Variants in FHOD3 observed in about 807,000 individuals in gnomAD.
FHOD3 encodes FH1/FH2 domain-containing protein 3.
A neutral mutation model predicts 173.0 loss-of-function variants in FHOD3; 90 were observed. That is an observed-to-expected ratio of 0.52 (90% CI 0.44 to 0.62). The LOEUF (loss-of-function observed/expected upper bound fraction) is 0.62. Ranked by LOEUF, FHOD3 falls within the 20% of genes least tolerant of loss-of-function variation. The pLI is 0.00. For missense variants in FHOD3, 1,945 were observed against 2,034.7 expected (o/e 0.96, Z 0.85); for synonymous variants, 828 against 823.0 (o/e 1.01, Z -0.10).
At chr18:36,372,796 AT>A in intron 3 of FHOD3, 52 bp downstream of exon 3, 1 of 1,480,276 alleles carries the variant, frequency 6.8e-7, no homozygotes, top group East Asian at 2.3e-5. Flanking sequence ...GACGCGACTT[AT>A]GGGAATAAAA....
intron 10 of FHOD3, among the ~76,000 whole-genome samples, chr18:36,635,693 C>T (rs1460917342): frequency 6.6e-6 from 1 of 152,194 alleles, no homozygotes; most frequent in Non-Finnish European, 1.5e-5. Context: ...CTGGATGTAT[C>T]TATGGGTCAG....
intron 3 of FHOD3, among the ~76,000 whole-genome samples, chr18:36,425,565 T>C (rs2033988917): frequency 6.6e-6 from 1 of 152,152 alleles, no homozygotes; most frequent in South Asian, 2.1e-4. Flanking sequence ...GTTATGTTCA[T>C]TTAGTAAAGA....
At chr18:36,349,511 A>G (rs1753723167) in intron 1 of FHOD3, among the ~76,000 whole-genome samples, 1 of 152,224 alleles carries the variant, frequency 6.6e-6, no homozygotes, top group Non-Finnish European at 1.5e-5. Flanking sequence ...CCACTTCTAA[A>G]CTATAACCAA....
At chr18:36,438,696 C>T (rs1171780190) in intron 3 of FHOD3, among the ~76,000 whole-genome samples, 1 of 152,216 alleles carries the variant, frequency 6.6e-6, no homozygotes, top group African/African-American at 2.4e-5. Flanking sequence ...TGTCTGCTGC[C>T]CCAGTGCTCT....
intron 9 of FHOD3, among the ~76,000 whole-genome samples, chr18:36,623,078 C>T (rs990888257): frequency 2.6e-5 from 4 of 152,196 alleles, no homozygotes. Flanking sequence ...CTTCAGAAAG[C>T]CCTAACTGCA....
intron 14 of FHOD3, among the ~76,000 whole-genome samples, chr18:36,660,880 C>G (rs977811060): frequency 2.0e-5 from 3 of 152,238 alleles, no homozygotes; most frequent in African/African-American, 4.8e-5. Flanking sequence ...TTCCTTCTTA[C>G]AGTACGCTGT....
chr18:36,635,399 A>G (rs760828805), intron 10 of FHOD3, among the ~76,000 whole-genome samples: 15 of 152,170 alleles, frequency 9.9e-5, no homozygotes, highest in Non-Finnish European at 1.8e-4. Flanking sequence ...ATTAAGTGAA[A>G]ATCAGTGTAG....
chr18:36,406,244 TGCTGCTACAAATACA>T (rs1405875117), intron 3 of FHOD3, among the ~76,000 whole-genome samples: 2 of 152,258 alleles, frequency 1.3e-5, no homozygotes, highest in Non-Finnish European at 2.9e-5. Flanking sequence ...GAATAGGCAT[TGCTGCTACAAATACA>T]GCTGCTGAAA....
chr18:36,742,615 C>G, intron 21 of FHOD3, 122 bp from the exon 22 acceptor site: 3 of 1,085,264 alleles, frequency 2.8e-6, no homozygotes, highest in Non-Finnish European at 4.0e-6. Context: ...CAATGCCCAT[C>G]GCGGGGGATT....
chr18:36,586,126 A>C (rs2059018727), intron 6 of FHOD3, among the ~76,000 whole-genome samples: 1 of 152,142 alleles, frequency 6.6e-6, no homozygotes, highest in Non-Finnish European at 1.5e-5. Flanking sequence ...TACTTAAGAG[A>C]GTTCTTTCAC....
At chr18:36,668,836 C>G (rs1261986477) in intron 14 of FHOD3, among the ~76,000 whole-genome samples, 1 of 151,954 alleles carries the variant, frequency 6.6e-6, no homozygotes, top group East Asian at 1.9e-4. Flanking sequence ...AAATTGCGGT[C>G]AGAGAACATA....
intron 6 of FHOD3, among the ~76,000 whole-genome samples, chr18:36,591,232 G>A (rs754789419): frequency 8.5e-5 from 13 of 152,182 alleles, no homozygotes; most frequent in Non-Finnish European, 1.8e-4. Context: ...GCAATCGTGG[G>A]CCTCAAGTTA....
chr18:36,680,505 G>T (rs1036039747), intron 14 of FHOD3, among the ~76,000 whole-genome samples: 1 of 152,158 alleles, frequency 6.6e-6, no homozygotes, highest in African/African-American at 2.4e-5. Flanking sequence ...TTATTCTCCA[G>T]AGATCCATCA....
chr18:36,447,251 A>G (rs1049032142), intron 3 of FHOD3, among the ~76,000 whole-genome samples: 1 of 152,082 alleles, frequency 6.6e-6, no homozygotes, highest in African/African-American at 2.4e-5. Context: ...TGTAAAAATG[A>G]TGTTCTGGAG....
At chr18:36,319,887 C>G (rs2044307033) in intron 1 of FHOD3, among the ~76,000 whole-genome samples, 1 of 152,142 alleles carries the variant, frequency 6.6e-6, no homozygotes, top group Non-Finnish European at 1.5e-5. Context: ...TGAATGACAA[C>G]TGGGTAAATA....
chr18:36,646,963 G>A (rs1297160318), intron 10 of FHOD3, among the ~76,000 whole-genome samples: 1 of 152,204 alleles, frequency 6.6e-6, no homozygotes, highest in African/African-American at 2.4e-5. Flanking sequence ...TCGGCCGGGT[G>A]CGGTGGCTCA....
At chr18:36,515,225 T>G (rs2055900141) in intron 5 of FHOD3, among the ~76,000 whole-genome samples, 1 of 152,136 alleles carries the variant, frequency 6.6e-6, no homozygotes, top group Non-Finnish European at 1.5e-5. Context: ...TTTTATTTAT[T>G]TATTTATTTT....
At chr18:36,601,510 A>G (rs1033217001) in intron 7 of FHOD3, among the ~76,000 whole-genome samples, 2 of 152,162 alleles carry the variant, frequency 1.3e-5, no homozygotes, top group Non-Finnish European at 2.9e-5. Flanking sequence ...TTTACTGAGC[A>G]TGTACTATAT....
In FHOD3 at chr18:36,693,391, C is replaced by T. The variant is rs1317903576; in HGVS notation, c.2204C>T (p.Ala735Val). The part of the protein sequence containing the change: ...SDSQEALTVS[A>V]SSPGTPHHPQ... Reference sequence around the variant, plus strand: ...TCTCAAGAGGCTCTCACGGTGTCTGCCTCCTCCCCAGGAACCCCTCACCAT... The same window carrying T: ...TCTCAAGAGGCTCTCACGGTGTCTGTCTCCTCCCCAGGAACCCCTCACCAT... The change falls in exon 17 of 29, where the codon GCC becomes GTC. Residue 735 changes from alanine (A) to valine (V), a missense_variant. Physicochemically the swap from Ala to Val is moderately conservative, Grantham distance 64 (BLOSUM62 0). This residue lies in a region of FHOD3 where 1,099 missense variants were observed against 1,051.2 expected (regional missense o/e 1.05). Transcript: ENST00000590592. 1.9e-6 allele frequency: 3 copies of T among 1,613,654 alleles called. No individual in the cohort carries two copies. In the African/African-American group the frequency reaches 4.0e-5, roughly 22 times the overall value.
Sources: gnomAD v4.1 joint callset for allele counts (sites outside exome capture counted in the v4.1 genomes callset) on GRCh38, gnomAD v4.1.1 for gene constraint, gnomAD v4.1.1 regional missense constraint, MANE v1.5 for transcripts, NCBI Gene and HGNC (gene_info 2026-07-23, HGNC 2026-07-21) for gene names.